Variants in SOX30 observed in about 807,000 individuals in gnomAD.
The protein encoded by SOX30 is transcription factor SOX-30.
A neutral mutation model predicts 58.6 loss-of-function variants in SOX30; 17 were observed. That is an observed-to-expected ratio of 0.29 (90% CI 0.20 to 0.44). The LOEUF (loss-of-function observed/expected upper bound fraction) is 0.44. SOX30 is among the 20% of genes least tolerant of loss of function. SOX30 has a pLI of 1.00. For synonymous variants in SOX30, 421 were observed against 400.2 expected (o/e 1.05, Z -0.62); for missense variants, 951 against 965.8 (o/e 0.98, Z 0.20).
At chr5:157,660,666 A>T (rs1188818312) in intron 2 of SOX30, among the ~76,000 whole-genome samples, 1 of 151,968 alleles carries the variant, frequency 6.6e-6, no homozygotes, top group East Asian at 1.9e-4. Context: ...AGCTATATAC[A>T]TATTTTTATG....
intron 2 of SOX30, among the ~76,000 whole-genome samples, chr5:157,662,065 CT>C (rs1759589259): frequency 6.6e-6 from 1 of 152,110 alleles, no homozygotes; most frequent in South Asian, 2.1e-4. Flanking sequence ...TGTATAATTT[CT>C]TTTTGAGTCT....
chr5:157,657,488 TTAAAA>T (rs1759497912), intron 2 of SOX30, among the ~76,000 whole-genome samples: 1 of 152,184 alleles, frequency 6.6e-6, no homozygotes, highest in African/African-American at 2.4e-5. Context: ...AATTGTGATA[TTAAAA>T]TAAAGGAAAA....
intron 4 of SOX30, among the ~76,000 whole-genome samples, chr5:157,633,789 ATC>A (rs1344285221): frequency 2.0e-5 from 3 of 152,224 alleles, no homozygotes; most frequent in Admixed American, 1.3e-4. Flanking sequence ...CCTACAATAT[ATC>A]TGAGTGTATT....
Position 157,625,693 on chromosome 5 carries a change from T to C in SOX30, c.*647A>G, listed in dbSNP as rs1245441104. On this transcript the variant is annotated 3_prime_UTR_variant, in exon 5 of 5. Coordinates refer to ENST00000265007, the MANE Select transcript of SOX30 (RefSeq NM_178424.2). ...CATCCAACAAGAACAATTTTATCTA[T>C]GTTTATTTAATTACAACAAAGAACG... 6.6e-6 allele frequency: 1 copy of C among 152,612 alleles called. No homozygotes were observed. The highest frequency in any genetic ancestry group is 1.5e-5 in the Non-Finnish European group (1 of 68,040). 9.5% of individuals were successfully genotyped at this position (152,612 alleles called of 1,614,324 possible).
intron 4 of SOX30, among the ~76,000 whole-genome samples, chr5:157,630,901 TAAAA>T (rs1031849663): frequency 7.3e-6 from 1 of 137,088 alleles, no homozygotes; most frequent in East Asian, 2.0e-4. Flanking sequence ...TTTATATATA[TAAAA>T]AATATATAAT....
chr5:157,654,164 C>CA (rs1168643558), upstream of SOX30, among the ~76,000 whole-genome samples: 1,094 of 78,398 alleles, frequency 0.014, 8 homozygotes, highest in East Asian at 0.07. Flanking sequence ...GACCCTGTCT[C>CA]AAAAAAAAAA....
chr5:157,671,399 A>T lies in SOX30; in HGVS notation c.-73T>A, dbSNP rs2113863447. Reference sequence around the variant, plus strand: ...CCGGGTCTCACCACGGCGGATGCCGAGGGACAATATTACCGCGTCCGTGGC... The same window carrying T: ...CCGGGTCTCACCACGGCGGATGCCGTGGGACAATATTACCGCGTCCGTGGC... On this transcript the variant is annotated 5_prime_UTR_variant, in exon 1 of 6. Transcript: ENST00000519442. The T allele has an allele frequency of 5.4e-6, 3 of 557,070 alleles. No individual in the cohort carries two copies. In the East Asian group the frequency reaches 9.6e-5, roughly 18 times the overall value. 34.5% of individuals were successfully genotyped at this position (557,070 alleles called of 1,614,324 possible). A position where few individuals can be genotyped will look rare whatever the true frequency, so the allele number is the denominator to read the frequency against.
intron 2 of SOX30, among the ~76,000 whole-genome samples, chr5:157,665,626 T>C (rs1035262850): frequency 6.8e-6 from 1 of 147,690 alleles, no homozygotes; most frequent in Admixed American, 6.8e-5. Context: ...AAAATAAATA[T>C]ATATTTTAAA....
chr5:157,665,150 T>C (rs1183558523), intron 2 of SOX30, among the ~76,000 whole-genome samples: 2 of 152,310 alleles, frequency 1.3e-5, no homozygotes, highest in East Asian at 3.9e-4. Context: ...CATGCACACG[T>C]ATGTTTATTG....
In SOX30 at chr5:157,643,426, A is replaced by G. The variant is rs182934257; in HGVS notation, c.1387+3211T>C. On this transcript the variant is annotated intron_variant, in intron 3 of 4. Coordinates refer to ENST00000265007, the MANE Select transcript of SOX30 (RefSeq NM_178424.2). ...CAGAATGAGACTTTGTCTCAAAAAT[A>G]TATATAAATATAAATATTAAAAAAT... Among the ~76,000 whole-genome samples, 233 of 152,116 alleles carry G rather than the reference A, an allele frequency of 1.5e-3. 1 individual carries two copies. The highest frequency in any genetic ancestry group is 5.3e-3 in the African/African-American group (221 of 41,550).
chr5:157,646,276 G>C (rs1343639499), intron 3 of SOX30, among the ~76,000 whole-genome samples: 3 of 152,124 alleles, frequency 2.0e-5, no homozygotes, highest in African/African-American at 7.2e-5. Context: ...TCCAGGACAG[G>C]ATGCCTCATA....
chr5:157,654,980 T>G (rs535956113), upstream of SOX30, among the ~76,000 whole-genome samples: 21 of 152,214 alleles, frequency 1.4e-4, no homozygotes, highest in Middle Eastern at 3.2e-3. Flanking sequence ...TTCCTTTACT[T>G]TCTTAATAAA....
chr5:157,670,102 G>A (rs1265830012), intron 1 of SOX30, among the ~76,000 whole-genome samples: 1 of 152,154 alleles, frequency 6.6e-6, no homozygotes, highest in Non-Finnish European at 1.5e-5. Context: ...TGAACTGATG[G>A]CCCCTCAAAC....
intron 4 of SOX30, among the ~76,000 whole-genome samples, chr5:157,637,959 G>A (rs1260402359): frequency 6.6e-6 from 1 of 152,112 alleles, no homozygotes; most frequent in Non-Finnish European, 1.5e-5. Flanking sequence ...CTCCCAAAGT[G>A]CTGGAATTAC....
intron 4 of SOX30, among the ~76,000 whole-genome samples, chr5:157,637,464 G>C (rs966176114): frequency 1.3e-5 from 2 of 152,128 alleles, no homozygotes; most frequent in African/African-American, 2.4e-5. Context: ...TCACTTGGGA[G>C]CTTGCTAGAA....
intron 2 of SOX30, among the ~76,000 whole-genome samples, chr5:157,659,986 GTCTAT>G (rs1338862708): frequency 1.3e-5 from 2 of 152,196 alleles, no homozygotes; most frequent in East Asian, 3.8e-4. Context: ...GACCTAAAAA[GTCTAT>G]TCTGTCAGTC....
upstream of SOX30, among the ~76,000 whole-genome samples, chr5:157,653,487 G>A (rs1759411713): frequency 6.6e-6 from 1 of 152,122 alleles, no homozygotes; most frequent in Admixed American, 6.5e-5. Flanking sequence ...GACTGTGATA[G>A]GGTAATAATA....
chr5:157,651,831 T>A lies in SOX30; in HGVS notation c.248A>T (p.Gln83Leu). 6.3e-7 allele frequency: 1 copy of A among 1,586,938 alleles called. No individual in the cohort carries two copies. Among genetic ancestry groups the A allele is most frequent in the South Asian group, 1.1e-5 (1 of 88,374 alleles). The change falls in exon 1 of 5, where the codon CAG becomes CTG. Residue 83 changes from glutamine to leucine, a missense_variant. Around this residue, in one of 7 missense-constraint regions of SOX30, gnomAD observed 363 missense variants for 294.5 expected, o/e 1.23. Coordinates refer to ENST00000265007, the MANE Select transcript of SOX30 (RefSeq NM_178424.2). ...VKPEQVLLLP[Q>L]PQAQNEEAAA... is the part of the protein sequence containing the mutation. ...GGCTTCCTCGTTCTGGGCCTGAGGC[T>A]GTGGTAGCAGCAACACCTGCTCTGG...
chr5:157,640,033 G>A (rs1324514942), intron 3 of SOX30, among the ~76,000 whole-genome samples: 2 of 152,194 alleles, frequency 1.3e-5, no homozygotes, highest in East Asian at 3.9e-4. Flanking sequence ...ATCTGGACTA[G>A]CCCCACTATC....
Sources: gnomAD v4.1 joint callset for allele counts (sites outside exome capture counted in the v4.1 genomes callset) on GRCh38, gnomAD v4.1.1 for gene constraint, gnomAD v4.1.1 regional missense constraint, MANE v1.5 for transcripts, NCBI Gene and HGNC (gene_info 2026-07-23, HGNC 2026-07-21) for gene names.